The following MYOCD variants were observed in gnomAD, a reference collection of about 807,000 sequenced individuals.
MYOCD encodes myocardin.
In MYOCD, 32 loss-of-function variants were observed where a neutral mutation model predicts 96.1. That is an observed-to-expected ratio of 0.33 (90% CI 0.25 to 0.45). The LOEUF is 0.45. Among genes scored for constraint, MYOCD ranks in the 20% least tolerant of loss-of-function variants. The pLI, the probability that MYOCD is intolerant of heterozygous loss-of-function variation, is 1.00. For synonymous variants in MYOCD, 469 were observed against 469.0 expected, an observed-to-expected ratio of 1.00 and a Z score of 0.00; for missense variants, 1,133 against 1,200.6, an observed-to-expected ratio of 0.94 and a Z score of 0.83.
rs1206803490 is a variant in MYOCD, at chr17:12,765,711, C to G, written c.*2067C>G. 1 of 152,176 alleles carries G rather than the reference C, an allele frequency of 6.6e-6. No homozygotes were observed. Among genetic ancestry groups the G allele is most frequent in the African/African-American group, 2.4e-5 (1 of 41,422 alleles). 9.4% of individuals were successfully genotyped at this position (152,176 alleles called of 1,614,324 possible). ...TTTCTGATTAACCAACCAGACTACA[C>G]GTTGCCTCTCTGTGTATGACTAACG... On this transcript the variant is annotated 3_prime_UTR_variant, in exon 14 of 14. Coordinates refer to ENST00000425538, the MANE Select transcript of MYOCD (RefSeq NM_001146312.3).
chr17:12,713,220 A>T (rs980872277), intron 2 of MYOCD, among the ~76,000 whole-genome samples: 2 of 152,240 alleles, frequency 1.3e-5, no homozygotes, highest in African/African-American at 4.8e-5. Context: ...TGCTCCTGGC[A>T]TCAGAGAACT....
intron 5 of MYOCD, among the ~76,000 whole-genome samples, chr17:12,725,368 T>C (rs143425927): frequency 0.02 from 2,915 of 149,486 alleles, 130 homozygotes; most frequent in Admixed American, 0.11. Context: ...TTTATGTATT[T>C]TATTTATGAA....
At chr17:12,684,961 C>T (rs1410066019) in intron 1 of MYOCD, among the ~76,000 whole-genome samples, 2 of 151,758 alleles carry the variant, frequency 1.3e-5, no homozygotes, top group East Asian at 3.9e-4. Context: ...ATGAAGCCAG[C>T]CCTGGGTAGG....
chr17:12,738,300 AC>A (rs1037277431), intron 6 of MYOCD, among the ~76,000 whole-genome samples: 58 of 151,868 alleles, frequency 3.8e-4, no homozygotes, highest in Non-Finnish European at 4.9e-4. Flanking sequence ...CTCATTCCTC[AC>A]CCCCCATGGA....
chr17:12,705,922 A>T (rs1023352431), intron 2 of MYOCD: 1 of 152,196 alleles, frequency 6.6e-6, no homozygotes, highest in African/African-American at 2.4e-5. Context: ...TGCTGTTGTG[A>T]CTGTTACTTC....
intron 7 of MYOCD, among the ~76,000 whole-genome samples, chr17:12,743,352 T>C (rs960010328): frequency 6.6e-6 from 1 of 152,146 alleles, no homozygotes; most frequent in Non-Finnish European, 1.5e-5. Flanking sequence ...TTATCTTACT[T>C]TCAGCTCAAA....
chr17:12,677,268 G>C (rs533263185), intron 1 of MYOCD, among the ~76,000 whole-genome samples: 1 of 152,190 alleles, frequency 6.6e-6, no homozygotes, highest in East Asian at 1.9e-4. Context: ...GAGGATGGGA[G>C]GAGGGAGTGG....
At chr17:12,688,502 T>G (rs1273383761) in intron 1 of MYOCD, among the ~76,000 whole-genome samples, 1 of 148,446 alleles carries the variant, frequency 6.7e-6, no homozygotes, top group Non-Finnish European at 1.5e-5. Flanking sequence ...ATCTCCTTTT[T>G]TCCTTCCATC....
At chr17:12,727,008 T>C (rs996242097) in intron 5 of MYOCD, among the ~76,000 whole-genome samples, 1 of 152,162 alleles carries the variant, frequency 6.6e-6, no homozygotes, top group African/African-American at 2.4e-5. Flanking sequence ...CCTCAAGTAG[T>C]AGACAGTATT....
At chr17:12,722,622 G>A (rs1158607132) in intron 4 of MYOCD, among the ~76,000 whole-genome samples, 2 of 152,174 alleles carry the variant, frequency 1.3e-5, no homozygotes, top group Admixed American at 6.5e-5. Flanking sequence ...TCCTCGCAAA[G>A]CAAGCTTCTC....
At chr17:12,747,256 G>C (rs1173495016) in intron 9 of MYOCD, among the ~76,000 whole-genome samples, 1 of 152,164 alleles carries the variant, frequency 6.6e-6, no homozygotes. Flanking sequence ...TATTGTATGA[G>C]ACGTGAGTGG....
chr17:12,728,923 A>G (rs1160606945), intron 5 of MYOCD, among the ~76,000 whole-genome samples: 8 of 152,240 alleles, frequency 5.3e-5, no homozygotes, highest in Admixed American at 4.6e-4. Context: ...ACCCATTTCT[A>G]TCATTTACAT....
At chr17:12,746,162 AAG>A in intron 9 of MYOCD, 90 bp downstream of exon 9, 1 of 1,384,556 alleles carries the variant, frequency 7.2e-7, no homozygotes, top group South Asian at 1.3e-5. Flanking sequence ...TATCTGGAGT[AAG>A]AGAGTGGGAG....
chr17:12,719,174 C>CAAAAAAAAAAAAAAAAAAAA lies in MYOCD; in HGVS notation c.253+1764_253+1783dup, dbSNP rs71144920. Among the ~76,000 whole-genome samples the CAAAAAAAAAAAAAAAAAAAA allele has an allele frequency of 7.5e-4, 37 of 49,158 alleles. 1 individual carries two copies. Among genetic ancestry groups the CAAAAAAAAAAAAAAAAAAAA allele is most frequent in the Admixed American group, 1.1e-3 (4 of 3,630 alleles). 32.2% of individuals were successfully genotyped at this position (49,158 alleles called of 152,430 possible). A position where few individuals can be genotyped will look rare whatever the true frequency, so the allele number is the denominator to read the frequency against. ...GGGGCCACAGAGGGAGACTCTGTCT[C>CAAAAAAAAAAAAAAAAAAAA]AAAAAAAAAAAAAAAAAAAAAAAAA... On this transcript the variant is annotated intron_variant, in intron 4 of 13. Transcript: ENST00000425538.
At chr17:12,685,077 C>A (rs895674378) in intron 1 of MYOCD, among the ~76,000 whole-genome samples, 2 of 150,526 alleles carry the variant, frequency 1.3e-5, no homozygotes, top group African/African-American at 5.0e-5. Flanking sequence ...AGGTGGATAA[C>A]TTGAGGTCAG....
intron 2 of MYOCD, among the ~76,000 whole-genome samples, chr17:12,707,177 G>A (rs2150675770): frequency 6.6e-6 from 1 of 152,312 alleles, no homozygotes; most frequent in Admixed American, 6.5e-5. Flanking sequence ...ATGCATTTCA[G>A]CAGAGCAGTG....
chr17:12,667,394 GC>G (rs1909433534), intron 1 of MYOCD, among the ~76,000 whole-genome samples: 1 of 152,198 alleles, frequency 6.6e-6, no homozygotes, highest in African/African-American at 2.4e-5. Flanking sequence ...AAGTCTCACT[GC>G]CCCTGAAGCT....
chr17:12,700,636 G>A (rs551080066), intron 1 of MYOCD, among the ~76,000 whole-genome samples: 1 of 151,500 alleles, frequency 6.6e-6, no homozygotes, highest in Non-Finnish European at 1.5e-5. Flanking sequence ...GAATGGTCTC[G>A]ATCTCCTGAC....
intron 5 of MYOCD, 113 bp from the exon 6 acceptor site, chr17:12,736,048 A>T: frequency 1.1e-6 from 1 of 888,926 alleles, no homozygotes; most frequent in East Asian, 2.4e-5. Context: ...ACTTAAAACA[A>T]ACTGGAGAGA....
Sources: allele counts gnomAD v4.1 joint callset (sites outside exome capture counted in the v4.1 genomes callset), GRCh38; gene constraint gnomAD v4.1.1; transcripts MANE v1.5; gene names NCBI Gene and HGNC (gene_info 2026-07-23, HGNC 2026-07-21).